The following DGKB variants were observed in gnomAD, a reference collection of about 807,000 sequenced individuals.
DGKB encodes diacylglycerol kinase beta, also known as 90 kDa diacylglycerol kinase.
A neutral mutation model predicts 114.3 loss-of-function variants in DGKB; 67 were observed. The observed-to-expected ratio is 0.59, with a 90% CI of 0.48 to 0.72. The LOEUF (loss-of-function observed/expected upper bound fraction) is 0.72. DGKB is among the 30% of genes least tolerant of loss of function. DGKB has a pLI of 0.00. For missense variants in DGKB, 907 were observed against 975.2 expected, an observed-to-expected ratio of 0.93 and a Z score of 0.93; for synonymous variants, 398 against 323.1, an observed-to-expected ratio of 1.23 and a Z score of -2.49.
chr7:14,165,269 G>A (rs910102115), intron 25 of DGKB, among the ~76,000 whole-genome samples: 2 of 152,108 alleles, frequency 1.3e-5, no homozygotes, highest in African/African-American at 4.8e-5. Flanking sequence ...CCTAGAATAG[G>A]TTTTAAATAA....
chr7:14,665,954 A>G (rs1817946256), intron 13 of DGKB, among the ~76,000 whole-genome samples: 1 of 152,018 alleles, frequency 6.6e-6, no homozygotes, highest in Non-Finnish European at 1.5e-5. Context: ...TGTACTACCC[A>G]AAATAATTTC....
At chr7:14,943,864 T>C (rs1303617873) in intron 1 of DGKB, among the ~76,000 whole-genome samples, 1 of 151,936 alleles carries the variant, frequency 6.6e-6, no homozygotes, top group African/African-American at 2.4e-5. Flanking sequence ...GTCAATTAAC[T>C]CCTTACCTGG....
In DGKB at chr7:14,331,061, A is replaced by G. The variant is rs572767050; in HGVS notation, c.2122+7454T>C. Reference sequence around the variant, plus strand: ...ATGATGTAATCTTAAATTTAACAGCAATTTTGATATTTAGTCTTATTAAGC... The same window carrying G: ...ATGATGTAATCTTAAATTTAACAGCGATTTTGATATTTAGTCTTATTAAGC... On this transcript the variant is annotated intron_variant, in intron 23 of 25. Transcript: ENST00000402815. Among the ~76,000 whole-genome samples the G allele has an allele frequency of 9.2e-5, 14 of 152,158 alleles. No individual in the cohort carries two copies. The South Asian group carries it at 2.7e-3, about 29-fold the overall frequency.
intron 5 of DGKB, among the ~76,000 whole-genome samples, chr7:14,728,693 T>C (rs11975354): frequency 1.4e-3 from 167 of 117,778 alleles, no homozygotes; most frequent in African/African-American, 4.8e-3. Context: ...AGCTGCACTT[T>C]CCAGCCTCCT....
intron 21 of DGKB, among the ~76,000 whole-genome samples, chr7:14,429,308 GCT>G (rs1293576881): frequency 2.0e-5 from 3 of 152,008 alleles, no homozygotes; most frequent in Admixed American, 2.0e-4. Context: ...GAGATAACTT[GCT>G]CTCTCTTTCT....
intron 20 of DGKB, among the ~76,000 whole-genome samples, chr7:14,525,753 A>G (rs1392367732): frequency 6.6e-6 from 1 of 152,208 alleles, no homozygotes; most frequent in African/African-American, 2.4e-5. Flanking sequence ...TGTGTAATAG[A>G]AAAATTTTGT....
Position 14,411,644 on chromosome 7 carries a change from T to A in DGKB, c.1836-66253A>T, listed in dbSNP as rs1824901288. Among the ~76,000 whole-genome samples the A allele has an allele frequency of 1.4e-4, 9 of 63,432 alleles. 3 individuals are homozygous for A. Among genetic ancestry groups the A allele is most frequent in the East Asian group, 7.3e-4 (2 of 2,746 alleles). 41.6% of individuals were successfully genotyped at this position (63,432 alleles called of 152,430 possible). On this transcript the variant is annotated intron_variant, in intron 21 of 25. Coordinates refer to ENST00000402815, the MANE Select transcript of DGKB (RefSeq NM_001350709.2). Reference sequence around the variant, plus strand: ...ATAATAGGATCATAACAACCATCTTTCAAGGTGGCTGTAAGATAAACAGTA... The same window carrying A: ...ATAATAGGATCATAACAACCATCTTACAAGGTGGCTGTAAGATAAACAGTA...
At chr7:14,812,022 G>A (rs535323367) in intron 2 of DGKB, among the ~76,000 whole-genome samples, 6 of 152,002 alleles carry the variant, frequency 3.9e-5, no homozygotes, top group African/African-American at 9.6e-5. Flanking sequence ...TAGGTATCTC[G>A]TGTATGTGGA....
intron 20 of DGKB, among the ~76,000 whole-genome samples, chr7:14,556,159 T>C (rs1795837137): frequency 6.6e-6 from 1 of 152,208 alleles, no homozygotes; most frequent in African/African-American, 2.4e-5. Flanking sequence ...CCTTATTTTA[T>C]AACTTTGCAT....
In DGKB at chr7:14,275,827, G is replaced by A. The variant is rs1203985810; in HGVS notation, c.2122+62688C>T. ...ATAATTGCCATGATATGATGATGAGGCCAAATTTTGGCACAATGCAAATTT... is the reference window on the plus strand; with the variant it reads ...ATAATTGCCATGATATGATGATGAGACCAAATTTTGGCACAATGCAAATTT... On this transcript the variant is annotated intron_variant, in intron 23 of 25. Transcript: ENST00000402815. 3.3e-5 allele frequency among the ~76,000 whole-genome samples: 5 copies of A among 152,130 alleles called. No individual in the cohort carries two copies. The South Asian group carries it at 6.2e-4, about 19-fold the overall frequency.
intron 2 of DGKB, among the ~76,000 whole-genome samples, chr7:14,769,228 GAGAAAGAAAGAAAGAAAGAA>G (rs371117893): frequency 2.5e-4 from 30 of 119,688 alleles, no homozygotes; most frequent in African/African-American, 6.5e-4. Flanking sequence ...GAAAGAGAGA[GAGAAAGAAAGAAAGAAAGAA>G]AGAAAGAAAG....
At chr7:14,152,442 T>C (rs1010488873) in intron 25 of DGKB, among the ~76,000 whole-genome samples, 6 of 152,060 alleles carry the variant, frequency 3.9e-5, no homozygotes, top group Admixed American at 3.9e-4. Flanking sequence ...AATGGTTCCA[T>C]GACGGTAGAA....
chr7:14,261,520 T>G (rs1318014437), intron 23 of DGKB, among the ~76,000 whole-genome samples: 7 of 152,142 alleles, frequency 4.6e-5, no homozygotes, highest in African/African-American at 1.7e-4. Flanking sequence ...ACACCTAAAG[T>G]TGATATTTTT....
At position 14,962,628 on chromosome 7, in the gene DGKB, GTGTGTGTT is replaced by G. The variant is rs1470446292; in HGVS notation, c.-188+12060_-188+12067del. ...TGTAAATAGCTATAGCTGTGTGTGT[GTGTGTGTT>G]TGTGTGTGTGTGTGTGTGTGTGTGT... On this transcript the variant is annotated intron_variant, in intron 1 of 4. Coordinates refer to the DGKB transcript ENST00000437998. 3.0e-4 allele frequency among the ~76,000 whole-genome samples: 41 copies of G among 138,584 alleles called. No individual in the cohort carries two copies. In the East Asian group the frequency reaches 5.9e-3, roughly 20 times the overall value. 90.9% of individuals were successfully genotyped at this position (138,584 alleles called of 152,430 possible).
At chr7:14,649,756 A>G (rs1427660200) in intron 13 of DGKB, among the ~76,000 whole-genome samples, 1 of 142,468 alleles carries the variant, frequency 7.0e-6, no homozygotes, top group East Asian at 2.1e-4. Context: ...AACCCATCTC[A>G]TGTGCAGAGA....
intron 23 of DGKB, among the ~76,000 whole-genome samples, chr7:14,202,353 C>A (rs906774221): frequency 3.3e-5 from 5 of 151,910 alleles, no homozygotes; most frequent in Non-Finnish European, 5.9e-5. Context: ...TAATTCCTCT[C>A]AACATCATGA....
chr7:14,288,858 G>T lies in DGKB; in HGVS notation c.2122+49657C>A, dbSNP rs78706329. Among the ~76,000 whole-genome samples the T allele has an allele frequency of 1.8e-3, 270 of 152,302 alleles. 3 individuals are homozygous for T. The highest frequency in any genetic ancestry group is 6.0e-3 in the African/African-American group (250 of 41,566). On this transcript the variant is annotated intron_variant, in intron 23 of 25. Coordinates refer to ENST00000402815, the MANE Select transcript of DGKB (RefSeq NM_001350709.2). ...TGTTGTGGTGGGTCAGTCTGGTTCTGCTATCAGAAAGAACAGCCCACACCC... is the reference window on the plus strand; with the variant it reads ...TGTTGTGGTGGGTCAGTCTGGTTCTTCTATCAGAAAGAACAGCCCACACCC...
At chr7:14,518,038 A>G (rs1789133421) in intron 20 of DGKB, among the ~76,000 whole-genome samples, 1 of 152,206 alleles carries the variant, frequency 6.6e-6, no homozygotes, top group Non-Finnish European at 1.5e-5. Context: ...ACTATTCACA[A>G]TAGCAAAGAC....
At chr7:14,688,174 T>C (rs1292847463) in intron 9 of DGKB, among the ~76,000 whole-genome samples, 1 of 151,258 alleles carries the variant, frequency 6.6e-6, no homozygotes, top group Non-Finnish European at 1.5e-5. Flanking sequence ...AATCTGTCCC[T>C]TCTTTCTATC....
Sources: gnomAD v4.1 joint callset for allele counts (sites outside exome capture counted in the v4.1 genomes callset) on GRCh38, gnomAD v4.1.1 for gene constraint, MANE v1.5 for transcripts, NCBI Gene and HGNC (gene_info 2026-07-23, HGNC 2026-07-21) for gene names.